The following GASK1B variants were observed in gnomAD, a reference collection of about 807,000 sequenced individuals.
The protein encoded by GASK1B is Golgi-associated kinase 1B.
GASK1B carries 34 observed loss-of-function variants against 42.8 expected under a neutral mutation model. The ratio of observed to expected loss-of-function variants is 0.79; its 90% CI spans 0.60 to 1.06. The LOEUF (loss-of-function observed/expected upper bound fraction) is 1.06, where lower values mean the gene tolerates loss of function less well. Ranked by LOEUF, GASK1B falls within the 50% of genes least tolerant of loss-of-function variation. The probability of loss-of-function intolerance (pLI) is 0.00; values close to 1 mark genes in which losing one functional copy is unlikely to be tolerated. For missense variants in GASK1B, 686 were observed against 661.0 expected, an observed-to-expected ratio of 1.04 and a Z score of -0.42; for synonymous variants, 262 against 259.1, an observed-to-expected ratio of 1.01 and a Z score of -0.11.
chr4:158,129,174 T>A (rs1730574475), intron 4 of GASK1B, among the ~76,000 whole-genome samples: 1 of 152,178 alleles, frequency 6.6e-6, no homozygotes, highest in Non-Finnish European at 1.5e-5. Flanking sequence ...TTACTCCTCA[T>A]AATGCATTTA....
chr4:158,142,896 TGAAAG>T, intron 3 of GASK1B, among the ~76,000 whole-genome samples: 1 of 152,236 alleles, frequency 6.6e-6, no homozygotes, highest in Non-Finnish European at 1.5e-5. Context: ...AACAAGCTGT[TGAAAG>T]GGAAGAGAGA....
In GASK1B at chr4:158,171,179, G is replaced by C; in HGVS notation, c.197C>G (p.Ala66Gly). 5.6e-6 allele frequency: 9 copies of C among 1,612,358 alleles called. No individual in the cohort carries two copies. The highest frequency in any genetic ancestry group is 6.8e-6 in the Non-Finnish European group (8 of 1,178,880). ...GCGGCTGCGATGTGGCCCCTTCTCA[G>C]CCGCCTGTCCATGCTGGAGAGAGGC... ...GRASLQHGQAAEKGPHRSRDT... is the reference protein window; with the variant it reads ...GRASLQHGQAGEKGPHRSRDT... The change falls in exon 2 of 5, where the codon GCT (alanine) becomes GGT (glycine). Residue 66 changes from alanine (A) to glycine (G), a missense_variant. Ala to Gly is a moderately conservative substitution (Grantham distance 60). Coordinates refer to ENST00000585682, the MANE Select transcript of GASK1B (RefSeq NM_001128424.2).
At chr4:158,158,946 T>C (rs1731862833) in intron 2 of GASK1B, among the ~76,000 whole-genome samples, 1 of 152,084 alleles carries the variant, frequency 6.6e-6, no homozygotes, top group Admixed American at 6.6e-5. Flanking sequence ...TAACCCCTAA[T>C]TTAGTTTATG....
At chr4:158,131,330 C>T (rs62337015) in intron 3 of GASK1B, among the ~76,000 whole-genome samples, 32,477 of 152,178 alleles carry the variant, frequency 0.21, 3,894 homozygotes, top group Admixed American at 0.28. Flanking sequence ...TCTGACTCCA[C>T]GCACAGCAGA....
At chr4:158,127,879 G>A (rs938758168) in intron 4 of GASK1B, among the ~76,000 whole-genome samples, 3 of 152,054 alleles carry the variant, frequency 2.0e-5, no homozygotes, top group Non-Finnish European at 4.4e-5. Context: ...CTCAAACAAA[G>A]GCATGGAATT....
intron 3 of GASK1B, among the ~76,000 whole-genome samples, chr4:158,135,787 C>T (rs1042060281): frequency 6.6e-6 from 1 of 151,900 alleles, no homozygotes; most frequent in African/African-American, 2.4e-5. Flanking sequence ...AAAGAACTTC[C>T]GTAGGATTTC....
chr4:158,146,084 T>C (rs1731318861), intron 3 of GASK1B, among the ~76,000 whole-genome samples: 1 of 152,214 alleles, frequency 6.6e-6, no homozygotes, highest in Non-Finnish European at 1.5e-5. Context: ...GCACTTTATA[T>C]ATTTTACTTT....
rs530704017 is a variant in GASK1B, at chr4:158,149,464, A to G, written c.1125+6147T>C. 9.8e-5 allele frequency among the ~76,000 whole-genome samples: 15 copies of G among 152,336 alleles called. No homozygotes were observed. In the South Asian group the frequency reaches 3.1e-3, roughly 32 times the overall value. On this transcript the variant is annotated intron_variant, in intron 3 of 4. Coordinates refer to ENST00000585682, the MANE Select transcript of GASK1B (RefSeq NM_001128424.2). Reference sequence around the variant, plus strand: ...GTTGACAGGTTCAGAATTAAAATACATGTCACTAGAGAACATAAGGGTTTG... The same window carrying G: ...GTTGACAGGTTCAGAATTAAAATACGTGTCACTAGAGAACATAAGGGTTTG...
intron 3 of GASK1B, among the ~76,000 whole-genome samples, chr4:158,154,245 T>C (rs1403443219): frequency 1.3e-5 from 2 of 150,264 alleles, no homozygotes; most frequent in Admixed American, 6.6e-5. Flanking sequence ...GATATACAAA[T>C]GGTCAACAAA....
At chr4:158,133,872 C>G (rs1388446935) in intron 3 of GASK1B, among the ~76,000 whole-genome samples, 1 of 151,960 alleles carries the variant, frequency 6.6e-6, no homozygotes, top group Non-Finnish European at 1.5e-5. Flanking sequence ...TTTTTCAGAT[C>G]TATATATGTA....
rs1732435214 is a variant in GASK1B at position 158,170,496 on chromosome 4, A to T, written c.880T>A (p.Ser294Thr). 1.9e-6 allele frequency: 3 copies of T among 1,614,284 alleles called. No homozygotes were observed. Among genetic ancestry groups the T allele is most frequent in the Non-Finnish European group, 8.5e-7 (1 of 1,180,046 alleles). The change falls in exon 2 of 5, where the codon TCT becomes ACT. Residue 294 changes from serine (S) to threonine (T), a missense_variant. Ser to Thr is a moderately conservative substitution (Grantham distance 58). Coordinates refer to ENST00000585682, the MANE Select transcript of GASK1B (RefSeq NM_001128424.2). Reference sequence around the variant, plus strand: ...ATGAACTCTGCTTTCCTGCTCACAGACGGCAGGGTCCTGTTGAGCCCCAGG... The same window carrying T: ...ATGAACTCTGCTTTCCTGCTCACAGTCGGCAGGGTCCTGTTGAGCCCCAGG... The part of the protein sequence containing the change: ...RILGLNRTLP[S>T]VSRKAEFIQD...
intron 2 of GASK1B, chr4:158,159,561 G>C (rs1403496371): frequency 2.3e-6 from 1 of 443,056 alleles, no homozygotes; most frequent in Non-Finnish European, 4.5e-6. Context: ...TCCACATTCA[G>C]GTTTGTCAAA....
chr4:158,137,746 G>A (rs1387972276), intron 3 of GASK1B, among the ~76,000 whole-genome samples: 1 of 151,964 alleles, frequency 6.6e-6, no homozygotes, highest in Non-Finnish European at 1.5e-5. Context: ...GCCAGCATCT[G>A]TATCACCTGC....
intron 3 of GASK1B, among the ~76,000 whole-genome samples, chr4:158,145,746 A>G (rs1166331879): frequency 6.6e-6 from 1 of 152,202 alleles, no homozygotes; most frequent in Non-Finnish European, 1.5e-5. Flanking sequence ...GGTCTCATTC[A>G]TCTTTTATTA....
In GASK1B at chr4:158,126,595, C is replaced by T. The variant is rs1730462380; in HGVS notation, c.*812G>A. 1 of 151,664 alleles carries T rather than the reference C, an allele frequency of 6.6e-6. No individual in the cohort carries two copies. The highest frequency in any genetic ancestry group is 1.5e-5 in the Non-Finnish European group (1 of 67,884). The allele number at this position is 151,664 out of a possible 1,614,324, so 9.4% of individuals were successfully genotyped here. A position where few individuals can be genotyped will look rare whatever the true frequency, so the allele number is the denominator to read the frequency against. ...GTAACAAAATTTTTAAAGAGACATCCATTTTAAAATGATACTCTGTAAGTA... is the reference window on the plus strand; with the variant it reads ...GTAACAAAATTTTTAAAGAGACATCTATTTTAAAATGATACTCTGTAAGTA... On this transcript the variant is annotated 3_prime_UTR_variant, in exon 5 of 5. Coordinates refer to ENST00000585682, the MANE Select transcript of GASK1B (RefSeq NM_001128424.2).
intron 3 of GASK1B, among the ~76,000 whole-genome samples, chr4:158,151,110 C>G (rs1731538916): frequency 6.6e-6 from 1 of 152,074 alleles, no homozygotes; most frequent in African/African-American, 2.4e-5. Context: ...AAGTTTTTTT[C>G]TAAAATGGGC....
intron 3 of GASK1B, among the ~76,000 whole-genome samples, chr4:158,145,948 T>C (rs1165408586): frequency 6.6e-6 from 1 of 152,214 alleles, no homozygotes; most frequent in Non-Finnish European, 1.5e-5. Context: ...TTCTTAGAAA[T>C]GTAAGTATAT....
intron 3 of GASK1B, among the ~76,000 whole-genome samples, chr4:158,143,043 CTGAT>C (rs1170907412): frequency 6.6e-6 from 1 of 152,130 alleles, no homozygotes; most frequent in Admixed American, 6.5e-5. Context: ...AATGTGGCCA[CTGAT>C]TGGGTATTTG....
chr4:158,141,597 CTTTTTTTTTTT>C (rs199530247), intron 3 of GASK1B, among the ~76,000 whole-genome samples: 1 of 113,660 alleles, frequency 8.8e-6, no homozygotes, highest in Non-Finnish European at 1.8e-5. Context: ...TTGTATTTAC[CTTTTTTTTTTT>C]TTTTTTTTTT....
Sources: allele counts gnomAD v4.1 joint callset (sites outside exome capture counted in the v4.1 genomes callset), GRCh38; gene constraint gnomAD v4.1.1; transcripts MANE v1.5; gene names NCBI Gene and HGNC (gene_info 2026-07-23, HGNC 2026-07-21).